The following MGMT variants were observed in gnomAD, a reference collection of about 807,000 sequenced individuals.
MGMT encodes methylated-DNA--protein-cysteine methyltransferase.
MGMT carries 14 observed loss-of-function variants against 15.9 expected under a neutral mutation model. The observed-to-expected ratio is 0.88, with a 90% CI of 0.58 to 1.37. The LOEUF (loss-of-function observed/expected upper bound fraction) is 1.37, where lower values mean the gene tolerates loss of function less well. MGMT is among the 40% of genes most tolerant of loss of function. The pLI is 0.00. For missense variants in MGMT, 282 were observed against 268.1 expected, an observed-to-expected ratio of 1.05 and a Z score of -0.36; for synonymous variants, 130 against 118.2, an observed-to-expected ratio of 1.10 and a Z score of -0.65.
chr10:129,544,780 T>C (rs908474798), intron 2 of MGMT, among the ~76,000 whole-genome samples: 2 of 152,236 alleles, frequency 1.3e-5, no homozygotes, highest in African/African-American at 4.8e-5. Flanking sequence ...CTTGAAAAGC[T>C]GGTGAACAGG....
intron 2 of MGMT, among the ~76,000 whole-genome samples, chr10:129,650,776 A>G (rs1177158459): frequency 6.6e-6 from 1 of 152,064 alleles, no homozygotes; most frequent in Non-Finnish European, 1.5e-5. Context: ...GAGTTTCCCA[A>G]TTTCAGCATT....
At chr10:129,755,913 G>T (rs1848800876) in intron 3 of MGMT, among the ~76,000 whole-genome samples, 1 of 152,218 alleles carries the variant, frequency 6.6e-6, no homozygotes, top group Admixed American at 6.5e-5. Context: ...CCGTGCTCTG[G>T]TGTGTGTTGT....
At chr10:129,634,337 T>G (rs1847242375) in intron 2 of MGMT, among the ~76,000 whole-genome samples, 1 of 152,224 alleles carries the variant, frequency 6.6e-6, no homozygotes, top group Admixed American at 6.5e-5. Flanking sequence ...TTCATGTGTC[T>G]TTTACTTGGT....
Position 129,634,249 on chromosome 10 carries a change from A to T in MGMT, c.126-73646A>T, listed in dbSNP as rs535868560. ...TCTTTTTGTGCCTCTGTGTGACATG[A>T]TTTTTTCCTCTGGTAGGTTGTAAGG... On this transcript the variant is annotated intron_variant, in intron 2 of 4. Transcript: ENST00000651593. Among the ~76,000 whole-genome samples the T allele has an allele frequency of 2.3e-3, 347 of 151,790 alleles. 1 individual carries two copies. Among genetic ancestry groups the T allele is most frequent in the African/African-American group, 7.9e-3 (327 of 41,362 alleles).
intron 2 of MGMT, among the ~76,000 whole-genome samples, chr10:129,597,756 T>C (rs1846767997): frequency 6.6e-6 from 1 of 152,138 alleles, no homozygotes; most frequent in Non-Finnish European, 1.5e-5. Context: ...GACTATTGAG[T>C]AGAGACCTCA....
chr10:129,663,064 G>A (rs1847618530), intron 2 of MGMT, among the ~76,000 whole-genome samples: 1 of 152,158 alleles, frequency 6.6e-6, no homozygotes. Flanking sequence ...GATACGTATT[G>A]AAATGCATTC....
chr10:129,576,237 G>A (rs1289006008), intron 2 of MGMT, among the ~76,000 whole-genome samples: 2 of 152,120 alleles, frequency 1.3e-5, no homozygotes, highest in Admixed American at 1.3e-4. Context: ...AACCAAAAAA[G>A]AGAATTTTAG....
chr10:129,699,408 C>G (rs955202071), intron 2 of MGMT, among the ~76,000 whole-genome samples: 8 of 151,832 alleles, frequency 5.3e-5, no homozygotes, highest in African/African-American at 1.9e-4. Context: ...TGTTTAGGAT[C>G]TGACATTAAT....
intron 2 of MGMT, among the ~76,000 whole-genome samples, chr10:129,669,147 G>C (rs1205139307): frequency 6.6e-6 from 1 of 152,072 alleles, no homozygotes; most frequent in Non-Finnish European, 1.5e-5. Flanking sequence ...TAGGACACTA[G>C]GTTTCCTGAT....
chr10:129,626,841 G>A (rs772704336), intron 2 of MGMT, among the ~76,000 whole-genome samples: 1 of 152,218 alleles, frequency 6.6e-6, no homozygotes, highest in Non-Finnish European at 1.5e-5. Flanking sequence ...AGTCAAAACT[G>A]AATTGTTTTA....
intron 2 of MGMT, among the ~76,000 whole-genome samples, chr10:129,559,540 A>G (rs1040006395): frequency 6.6e-6 from 1 of 152,032 alleles, no homozygotes; most frequent in Non-Finnish European, 1.5e-5. Context: ...TTCTTTAGGT[A>G]TTAGCGGCTG....
intron 2 of MGMT, among the ~76,000 whole-genome samples, chr10:129,655,123 T>C (rs1005692924): frequency 6.6e-6 from 1 of 152,074 alleles, no homozygotes; most frequent in Non-Finnish European, 1.5e-5. Context: ...CACCCGGAGG[T>C]ATGCATGGAA....
intron 2 of MGMT, among the ~76,000 whole-genome samples, chr10:129,561,512 A>G (rs1159712207): frequency 6.6e-6 from 1 of 152,222 alleles, no homozygotes; most frequent in Non-Finnish European, 1.5e-5. Flanking sequence ...AAGTTAAACA[A>G]TGCGCCAAAT....
At chr10:129,699,285 T>A (rs77459276) in intron 2 of MGMT, among the ~76,000 whole-genome samples, 7,844 of 152,242 alleles carry the variant, frequency 0.052, 520 homozygotes, top group African/African-American at 0.15. Context: ...CAATTATTTT[T>A]AAAAAGAAAA....
chr10:129,615,808 A>T (rs956547817), intron 2 of MGMT, among the ~76,000 whole-genome samples: 3 of 152,144 alleles, frequency 2.0e-5, no homozygotes, highest in Non-Finnish European at 2.9e-5. Flanking sequence ...GGCCTCAACC[A>T]TAAAGGGACT....
chr10:129,693,131 G>A (rs972701937), intron 2 of MGMT, among the ~76,000 whole-genome samples: 7 of 152,178 alleles, frequency 4.6e-5, no homozygotes, highest in Admixed American at 2.0e-4. Context: ...TCTGATGGTC[G>A]TGTAAGTCCA....
At chr10:129,761,902 C>T (rs181990425) in intron 4 of MGMT, among the ~76,000 whole-genome samples, 5 of 152,298 alleles carry the variant, frequency 3.3e-5, no homozygotes, top group Admixed American at 6.5e-5. Flanking sequence ...TACCCACAGA[C>T]GCCTCAAATT....
chr10:129,649,137 C>A (rs558423057), intron 2 of MGMT, among the ~76,000 whole-genome samples: 1 of 152,196 alleles, frequency 6.6e-6, no homozygotes, highest in Admixed American at 6.5e-5. Flanking sequence ...AAATCACAGC[C>A]CCCTGTTTTG....
chr10:129,706,165 C>T (rs142215741), intron 2 of MGMT, among the ~76,000 whole-genome samples: 1 of 152,360 alleles, frequency 6.6e-6, no homozygotes, highest in East Asian at 1.9e-4. Flanking sequence ...TCCTTGCCCA[C>T]CTTTCTGTGA....
Sources: allele counts gnomAD v4.1 joint callset (sites outside exome capture counted in the v4.1 genomes callset), GRCh38; gene constraint gnomAD v4.1.1; transcripts MANE v1.5; gene names NCBI Gene and HGNC (gene_info 2026-07-23, HGNC 2026-07-21).